The following TMEM117 variants were observed in gnomAD, a reference collection of about 807,000 sequenced individuals.
TMEM117 encodes transmembrane protein 117.
In TMEM117, 27 loss-of-function variants were observed where a neutral mutation model predicts 52.4. The ratio of observed to expected loss-of-function variants is 0.51; its 90% confidence interval spans 0.38 to 0.71. The LOEUF is 0.71. Among genes scored for constraint, TMEM117 ranks in the 30% least tolerant of loss-of-function variants. The pLI is 0.00. For synonymous variants in TMEM117, 215 were observed against 206.3 expected (o/e 1.04, Z -0.36); for missense variants, 556 against 630.5 (o/e 0.88, Z 1.26).
chr12:43,824,038 TA>T, the TMEM117 span, among the ~76,000 whole-genome samples: 1 of 152,220 alleles, frequency 6.6e-6, no homozygotes, highest in Non-Finnish European at 1.5e-5. Flanking sequence ...ATTGATATTT[TA>T]AAAAATAATT....
chr12:44,093,945 T>A (rs1592509830), intron 3 of TMEM117, among the ~76,000 whole-genome samples: 1 of 152,208 alleles, frequency 6.6e-6, no homozygotes, highest in East Asian at 1.9e-4. Context: ...TTTAATATTG[T>A]TAATTTACTC....
At chr12:44,178,099 C>T (rs1949141106) in intron 4 of TMEM117, among the ~76,000 whole-genome samples, 1 of 152,134 alleles carries the variant, frequency 6.6e-6, no homozygotes, top group African/African-American at 2.4e-5. Context: ...GTTCAAGATG[C>T]TTCCGTATCT....
At chr12:44,332,975 G>T (rs1415528805) in intron 6 of TMEM117, among the ~76,000 whole-genome samples, 1 of 151,934 alleles carries the variant, frequency 6.6e-6, no homozygotes, top group Non-Finnish European at 1.5e-5. Context: ...GACATTAAGA[G>T]ATTTTAAATG....
chr12:43,874,335 C>A (rs939650515), intron 2 of TMEM117, among the ~76,000 whole-genome samples: 1 of 151,852 alleles, frequency 6.6e-6, no homozygotes, highest in Non-Finnish European at 1.5e-5. Flanking sequence ...TAGCCCAGCA[C>A]TTTGGGAGGC....
chr12:44,228,647 C>T (rs1045288889), intron 5 of TMEM117, among the ~76,000 whole-genome samples: 2 of 152,060 alleles, frequency 1.3e-5, no homozygotes, highest in African/African-American at 4.8e-5. Context: ...AACTGAATGA[C>T]TGGAAGGAAT....
intron 6 of TMEM117, among the ~76,000 whole-genome samples, chr12:44,327,742 A>G (rs1256410365): frequency 1.3e-5 from 2 of 152,020 alleles, no homozygotes; most frequent in African/African-American, 4.8e-5. Flanking sequence ...GCAATCAGTT[A>G]CTCAGGTGTA....
At chr12:44,059,613 A>G (rs1425975782) in intron 3 of TMEM117, among the ~76,000 whole-genome samples, 1 of 152,198 alleles carries the variant, frequency 6.6e-6, no homozygotes, top group Non-Finnish European at 1.5e-5. Context: ...TTGAAGAAAT[A>G]AGGCATAATT....
chr12:44,128,535 C>T (rs1047725771), intron 3 of TMEM117, among the ~76,000 whole-genome samples: 10 of 152,210 alleles, frequency 6.6e-5, no homozygotes, highest in Non-Finnish European at 1.2e-4. Flanking sequence ...GAATAAATAG[C>T]TGACCCTCTC....
At chr12:43,838,579 C>T (rs1315316948) in intron 1 of TMEM117, among the ~76,000 whole-genome samples, 2 of 129,328 alleles carry the variant, frequency 1.5e-5, no homozygotes, top group Non-Finnish European at 3.2e-5. Context: ...TGGTCTGTTA[C>T]GTGTTATCCA....
At chr12:44,024,623 CAGGAAGGGAGGG>C (rs1168945636) in intron 3 of TMEM117, among the ~76,000 whole-genome samples, 1 of 128,212 alleles carries the variant, frequency 7.8e-6, no homozygotes, top group Non-Finnish European at 1.6e-5. Flanking sequence ...AGAGAGAAGG[CAGGAAGGGAGGG>C]AGGGAGGGAG....
chr12:44,054,805 A>G (rs1028539443), intron 3 of TMEM117, among the ~76,000 whole-genome samples: 2 of 150,152 alleles, frequency 1.3e-5, no homozygotes, highest in East Asian at 2.0e-4. Context: ...GGTTTGTTAC[A>G]TATGTATACA....
chr12:43,853,048 A>G (rs532847163), intron 2 of TMEM117, among the ~76,000 whole-genome samples: 1 of 152,276 alleles, frequency 6.6e-6, no homozygotes, highest in South Asian at 2.1e-4. Flanking sequence ...TTAATACTGC[A>G]TACTTCCTTT....
At chr12:44,120,343 T>C (rs1271549025) in intron 3 of TMEM117, among the ~76,000 whole-genome samples, 1 of 152,224 alleles carries the variant, frequency 6.6e-6, no homozygotes, top group African/African-American at 2.4e-5. Context: ...AAAAAGGTGC[T>C]GTCTACCTAT....
chr12:44,287,843 C>G (rs1327675080), intron 5 of TMEM117, among the ~76,000 whole-genome samples: 1 of 152,044 alleles, frequency 6.6e-6, no homozygotes, highest in East Asian at 1.9e-4. Context: ...TTGAAACTTC[C>G]TGTGATTCAG....
intron 5 of TMEM117, among the ~76,000 whole-genome samples, chr12:44,225,471 T>G (rs1592621469): frequency 6.6e-6 from 1 of 152,308 alleles, no homozygotes; most frequent in Non-Finnish European, 1.5e-5. Context: ...ATTTAGTATG[T>G]TTTTTTCTCT....
At chr12:43,934,158 AT>A (rs1336690973) in intron 2 of TMEM117, among the ~76,000 whole-genome samples, 1 of 152,208 alleles carries the variant, frequency 6.6e-6, no homozygotes, top group Non-Finnish European at 1.5e-5. Context: ...GTATGCATAA[AT>A]TAAGTGTGCT....
At chr12:43,977,902 GT>G (rs1945698408) in intron 3 of TMEM117, among the ~76,000 whole-genome samples, 1 of 152,156 alleles carries the variant, frequency 6.6e-6, no homozygotes, top group African/African-American at 2.4e-5. Flanking sequence ...TGCTAATTAG[GT>G]GAGAATAGGT....
chr12:44,281,571 A>G (rs1459002375), intron 5 of TMEM117, among the ~76,000 whole-genome samples: 1 of 152,226 alleles, frequency 6.6e-6, no homozygotes, highest in Non-Finnish European at 1.5e-5. Context: ...GAAATCAAAT[A>G]AAACATGCTT....
At chr12:44,229,791 G>A (rs1272634185) in intron 5 of TMEM117, among the ~76,000 whole-genome samples, 2 of 152,022 alleles carry the variant, frequency 1.3e-5, no homozygotes, top group South Asian at 4.1e-4. Context: ...TAACTACATT[G>A]GAAGAAAATT....
Sources: gnomAD v4.1 joint callset for allele counts (sites outside exome capture counted in the v4.1 genomes callset) on GRCh38, gnomAD v4.1.1 for gene constraint, MANE v1.5 for transcripts, NCBI Gene and HGNC (gene_info 2026-07-23, HGNC 2026-07-21) for gene names.